Variants in SUN1 observed in about 807,000 individuals in gnomAD.
SUN1 encodes SUN domain-containing protein 1.
SUN1 carries 61 observed loss-of-function variants against 103.2 expected under a neutral mutation model. That is an observed-to-expected ratio of 0.59 (90% CI 0.48 to 0.73). The LOEUF (loss-of-function observed/expected upper bound fraction) is 0.73. Among genes scored for constraint, SUN1 ranks in the 30% least tolerant of loss-of-function variants. The pLI, the probability that SUN1 is intolerant of heterozygous loss-of-function variation, is 0.00. For synonymous variants in SUN1, 490 were observed against 425.7 expected (o/e 1.15, Z -1.86); for missense variants, 1,052 against 1,034.6 (o/e 1.02, Z -0.23).
upstream of SUN1, chr7:816,243 T>TCCCCCAGATGCGGGC (rs1780419155): frequency 4.2e-5 from 1 of 23,670 alleles, no homozygotes; most frequent in African/African-American, 5.1e-4. Flanking sequence ...CAGGTGCAGA[T>TCCCCCAGATGCGGGC]CCCTCCCCCA....
chr7:824,714 G>T (rs1583891910), intron 1 of SUN1, among the ~76,000 whole-genome samples: 4 of 152,298 alleles, frequency 2.6e-5, no homozygotes, highest in Middle Eastern at 3.4e-3. Context: ...TGATGTTCAG[G>T]CTAGATGGGC....
At chr7:869,969 G>A (rs1044443597) in intron 17 of SUN1, among the ~76,000 whole-genome samples, 6 of 151,888 alleles carry the variant, frequency 4.0e-5, no homozygotes, top group African/African-American at 1.2e-4. Context: ...CAAGGTGGGC[G>A]GATCACCTGA....
intron 1 of SUN1, among the ~76,000 whole-genome samples, chr7:838,236 C>T (rs1011654901): frequency 6.6e-6 from 1 of 152,158 alleles, no homozygotes; most frequent in African/African-American, 2.4e-5. Flanking sequence ...TATTTAATTA[C>T]ATTAGTTGAA....
chr7:854,303 G>A (rs1292852606), intron 10 of SUN1, among the ~76,000 whole-genome samples: 5 of 152,330 alleles, frequency 3.3e-5, no homozygotes, highest in African/African-American at 9.6e-5. Flanking sequence ...GGCGGTGCGC[G>A]CAGCGTCAAA....
Position 843,372 on chromosome 7 carries a change from G to C in SUN1, c.510G>C (p.Gly170=), listed in dbSNP as rs771738533. The change falls in exon 5 of 19, where the codon GGG becomes GGC. Residue 170 remains glycine (G), a synonymous_variant. Coordinates refer to ENST00000401592, the MANE Select transcript of SUN1 (RefSeq NM_001130965.3). ...GGNKAAIQGN[G]DVGAAAATAH... ...ATAAAGCTGCCATTCAGGGAAACGG[G>C]GATGTGGGAGCCGCCGCCGCCACCG... 6.2e-7 allele frequency: 1 copy of C among 1,609,444 alleles called. No individual in the cohort carries two copies. The highest frequency in any genetic ancestry group is 2.2e-5 in the East Asian group (1 of 44,822).
upstream of SUN1, among the ~76,000 whole-genome samples, chr7:827,618 C>A (rs569634936): frequency 1.1e-4 from 16 of 150,990 alleles, no homozygotes; most frequent in Non-Finnish European, 2.1e-4. Flanking sequence ...TACAGGTGCC[C>A]GCCACCACGC....
At chr7:851,856 G>A (rs1822511490) in intron 6 of SUN1, 94 bp from the exon 7 acceptor site, 1 of 1,316,272 alleles carries the variant, frequency 7.6e-7, no homozygotes, top group Middle Eastern at 1.9e-4. Context: ...TCATCTTCAT[G>A]TGCTTCTAGC....
chr7:869,111 A>T, intron 16 of SUN1: 1 of 532,144 alleles, frequency 1.9e-6, no homozygotes, highest in Middle Eastern at 5.0e-4. Context: ...TGTCTCACCC[A>T]TTTTTCTTTA....
At chr7:861,310 A>G (rs1433612538) in intron 14 of SUN1, 70 bp from the exon 15 acceptor site, 9 of 1,489,548 alleles carry the variant, frequency 6.0e-6, no homozygotes, top group African/African-American at 2.8e-5. Context: ...GTCCTCATCC[A>G]TGGCACTAAA....
At chr7:850,044 G>A (rs747154618) in intron 5 of SUN1, 9 of 1,565,822 alleles carry the variant, frequency 5.7e-6, no homozygotes, top group Middle Eastern at 1.7e-4. Flanking sequence ...GTTGTCTCTC[G>A]CCCCGTCTCC....
At chr7:831,365 G>A (rs1275969254), upstream of SUN1, among the ~76,000 whole-genome samples, 7 of 150,620 alleles carry the variant, frequency 4.6e-5, no homozygotes, top group South Asian at 4.2e-4. Context: ...TCCGCCTCCC[G>A]GGTTCATGCC....
At chr7:866,115 G>A (rs370673969) in intron 16 of SUN1, 48 bp downstream of exon 16, 25 of 1,539,072 alleles carry the variant, frequency 1.6e-5, no homozygotes, top group African/African-American at 1.4e-4. Flanking sequence ...GCATGGACTC[G>A]GTTAGTGTTC....
Position 854,487 on chromosome 7 carries a change from G to A in SUN1, c.1264-433G>A, listed in dbSNP as rs1019041786. Among the ~76,000 whole-genome samples the A allele has an allele frequency of 7.2e-5, 11 of 152,376 alleles. No homozygotes were observed. The East Asian group carries it at 2.1e-3, about 29-fold the overall frequency. ...GGTGCTCAGTAGCCATGAGTGGCTGGTGCTGCCCTGCTGGACAGCACAGAT... is the reference window on the plus strand; with the variant it reads ...GGTGCTCAGTAGCCATGAGTGGCTGATGCTGCCCTGCTGGACAGCACAGAT... On this transcript the variant is annotated intron_variant, in intron 10 of 18. Transcript: ENST00000401592.
intron 1 of SUN1, among the ~76,000 whole-genome samples, chr7:833,758 C>T (rs7783469): frequency 0.6 from 91,192 of 152,120 alleles, 27,329 homozygotes; most frequent in African/African-American, 0.63. Flanking sequence ...GTCCATCACA[C>T]TTCCATAGCA....
chr7:829,653 C>A (rs888997370), upstream of SUN1, among the ~76,000 whole-genome samples: 1 of 150,964 alleles, frequency 6.6e-6, no homozygotes, highest in Non-Finnish European at 1.5e-5. Context: ...TTCCCAGGTT[C>A]ATGCCATTCT....
chr7:869,361 C>T lies in SUN1; in HGVS notation c.1993C>T (p.Pro665Ser). ...TTCCTTTCCCCAGCCTGACATTTAC[C>T]CCGGTAACTGCTGGGCATTTAAAGG... ...PRVVIQPDIY[P>S]GNCWAFKGSQ... The change falls in exon 17 of 19, where the codon CCC (proline) becomes TCC (serine). Residue 665 changes from proline (P) to serine (S), a missense_variant. By Grantham distance (74) the Pro-to-Ser change is moderately conservative (BLOSUM62 -1). Transcript: ENST00000401592. The T allele has an allele frequency of 6.2e-7, 1 of 1,613,558 alleles. No homozygotes were observed. The highest frequency in any genetic ancestry group is 8.5e-7 in the Non-Finnish European group (1 of 1,179,666).
chr7:819,901 G>A (rs558369898), intron 1 of SUN1, among the ~76,000 whole-genome samples: 2 of 152,138 alleles, frequency 1.3e-5, no homozygotes, highest in African/African-American at 4.8e-5. Flanking sequence ...TAGAGACAGG[G>A]TTTCACCTTG....
intron 12 of SUN1, 24 bp from the exon 13 acceptor site, chr7:857,804 C>G (rs773212294): frequency 6.4e-7 from 1 of 1,559,378 alleles, no homozygotes; most frequent in East Asian, 2.3e-5. Context: ...TTGTGTGTGA[C>G]CCATTCTCAC....
At chr7:843,993 G>A (rs1812691574) in intron 5 of SUN1, 1 of 674,812 alleles carries the variant, frequency 1.5e-6, no homozygotes, top group Non-Finnish European at 1.9e-6. Context: ...CAGAGAACCT[G>A]TAGGTCTGGG....
Sources: allele counts gnomAD v4.1 joint callset (sites outside exome capture counted in the v4.1 genomes callset), GRCh38; gene constraint gnomAD v4.1.1; transcripts MANE v1.5; gene names NCBI Gene and HGNC (gene_info 2026-07-23, HGNC 2026-07-21).